Variants in POTED observed in about 807,000 individuals in gnomAD.
The protein encoded by POTED is ANKRD26-like family B member 3.
Under a neutral mutation model 19.0 loss-of-function variants are expected in POTED, and 7 were observed. The ratio of observed to expected loss-of-function variants is 0.37; its 90% CI spans 0.21 to 0.69. The LOEUF (loss-of-function observed/expected upper bound fraction) is 0.69. Among genes scored for constraint, POTED ranks in the 30% least tolerant of loss-of-function variants. The pLI is 0.56. For synonymous variants in POTED, 16 were observed against 92.0 expected, an observed-to-expected ratio of 0.17 and a Z score of 4.73; for missense variants, 54 against 278.5, an observed-to-expected ratio of 0.19 and a Z score of 5.74.
chr21:13,640,523 CGTGTGTGT>C lies in POTED; in HGVS notation c.1534-801_1534-794del, dbSNP rs563854848. On this transcript the variant is annotated intron_variant, in intron 10 of 10. Transcript: ENST00000299443. ...AAAAATCCTGCACGTTGCATATATACGTGTGTGTGTGTGTGTGTGTGTGTGTGTTTGTG... is the reference window on the plus strand; with the variant it reads ...AAAAATCCTGCACGTTGCATATATACGTGTGTGTGTGTGTGTGTGTTTGTG... 5.3e-5 allele frequency among the ~76,000 whole-genome samples: 4 copies of C among 75,408 alleles called. 2 individuals are homozygous for C. Among genetic ancestry groups the C allele is most frequent in the Non-Finnish European group, 9.4e-5 (4 of 42,592 alleles). 49.5% of individuals were successfully genotyped at this position (75,408 alleles called of 152,430 possible).
Position 13,645,601 on chromosome 21 carries a change from G to T in POTED, c.*4035G>T, listed in dbSNP as rs1160488903. ...GGAAGCACTAAATATGGAAAGAAAA[G>T]ACCACCACCAGCCACTACAGAAACA... On this transcript the variant is annotated 3_prime_UTR_variant, in exon 11 of 11. Coordinates refer to ENST00000299443, the MANE Select transcript of POTED (RefSeq NM_174981.6). 9.0e-6 allele frequency among the ~76,000 whole-genome samples: 1 copy of T among 110,724 alleles called. No homozygotes were observed. The highest frequency in any genetic ancestry group is 1.8e-5 in the Non-Finnish European group (1 of 54,598). The allele number at this position is 110,724 out of a possible 152,430, so 72.6% of individuals were successfully genotyped here.
intron 8 of POTED, 35 bp from the exon 9 acceptor site, chr21:13,630,906 T>C: frequency 3.6e-6 from 1 of 281,328 alleles, no homozygotes; most frequent in Non-Finnish European, 5.7e-6. Flanking sequence ...TTCAATAAAG[T>C]GATAACCATC....
chr21:13,637,004 A>ATATATATATATATATATATATTTTT (rs1481200854), intron 9 of POTED, among the ~76,000 whole-genome samples: 2 of 16,470 alleles, frequency 1.2e-4, no homozygotes, highest in Non-Finnish European at 1.9e-4. Flanking sequence ...ATATATATAT[A>ATATATATATATATATATATATTTTT]TTTTTTTTTT....
rs1316597081 is a variant in POTED at position 13,629,680 on chromosome 21, A to G, written c.1198-176A>G. On this transcript the variant is annotated intron_variant, in intron 7 of 10. Transcript: ENST00000299443. Reference sequence around the variant, plus strand: ...AACATAGATTAAAAAATTAATTCTTAATTTTAATTATTTATTTATTTAATT... The same window carrying G: ...AACATAGATTAAAAAATTAATTCTTGATTTTAATTATTTATTTATTTAATT... Among the ~76,000 whole-genome samples, 4 of 103,074 alleles carry G rather than the reference A, an allele frequency of 3.9e-5. 2 individuals are homozygous for G. Among genetic ancestry groups the G allele is most frequent in the African/African-American group, 1.6e-4 (4 of 24,258 alleles). The allele number at this position is 103,074 out of a possible 152,430, so 67.6% of individuals were successfully genotyped here.
In POTED at chr21:13,634,508, C is replaced by A. The variant is rs2011226953; in HGVS notation, c.1409+3401C>A. Among the ~76,000 whole-genome samples the A allele has an allele frequency of 2.4e-5, 2 of 81,720 alleles. 1 individual carries two copies. Among genetic ancestry groups the A allele is most frequent in the Non-Finnish European group, 4.3e-5 (2 of 46,250 alleles). The allele number at this position is 81,720 out of a possible 152,430, so 53.6% of individuals were successfully genotyped here. On this transcript the variant is annotated intron_variant, in intron 9 of 10. Transcript: ENST00000299443. The stretch of plus-strand genomic sequence containing the variant: ...TGCTCTGCTTCAGCCACACTGAATT[C>A]TTGCCATCCCTTATCTACCCCTAGT...
intron 9 of POTED, among the ~76,000 whole-genome samples, chr21:13,637,022 T>A (rs1388642198): frequency 3.1e-5 from 1 of 32,402 alleles, no homozygotes; most frequent in Non-Finnish European, 4.9e-5. Context: ...TTTTTTTTCT[T>A]TATTCCACTC....
chr21:13,633,659 G>A (rs1429233421), intron 9 of POTED, among the ~76,000 whole-genome samples: 1 of 76,758 alleles, frequency 1.3e-5, no homozygotes, highest in Admixed American at 1.1e-4. Flanking sequence ...CTGGAGTTCA[G>A]TGGTGTGATC....
At chr21:13,636,898 T>A (rs2011237832) in intron 9 of POTED, among the ~76,000 whole-genome samples, 1 of 60,028 alleles carries the variant, frequency 1.7e-5, no homozygotes, top group South Asian at 4.8e-4. Context: ...CCCCTTTACG[T>A]TCTGCCATGA....
At chr21:13,612,458 G>C (rs1258982088) in intron 1 of POTED, among the ~76,000 whole-genome samples, 1 of 79,952 alleles carries the variant, frequency 1.3e-5, no homozygotes, top group Non-Finnish European at 2.2e-5. Flanking sequence ...GATGGAGTGA[G>C]ACTCCATCTC....
rs1488374055 is a variant in POTED at position 13,636,808 on chromosome 21, C to T, written c.1410-2707C>T. On this transcript the variant is annotated intron_variant, in intron 9 of 10. Transcript: ENST00000299443. ...CTGTTCTCGTGATAGTGAGTTCTCA[C>T]AAGAGCAGATAATTCTATAATGGGC... 1.1e-4 allele frequency among the ~76,000 whole-genome samples: 7 copies of T among 63,478 alleles called. 1 individual carries two copies. The allele number at this position is 63,478 out of a possible 152,430, so 41.6% of individuals were successfully genotyped here. A position where few individuals can be genotyped will look rare whatever the true frequency, so the allele number is the denominator to read the frequency against.
chr21:13,619,502 T>C (rs2011166627), intron 4 of POTED, among the ~76,000 whole-genome samples: 1 of 63,008 alleles, frequency 1.6e-5, no homozygotes, highest in South Asian at 4.9e-4. Flanking sequence ...GAGCTAGGCT[T>C]TGGATTCACA....
chr21:13,627,464 AAG>A lies in POTED; in HGVS notation c.1127-916_1127-915del, dbSNP rs1491073394. 6.8e-3 allele frequency among the ~76,000 whole-genome samples: 680 copies of A among 99,990 alleles called. 156 individuals carry two copies. Among genetic ancestry groups the A allele is most frequent in the Non-Finnish European group, 8.8e-3 (462 of 52,294 alleles). 65.6% of individuals were successfully genotyped at this position (99,990 alleles called of 152,430 possible). A position where few individuals can be genotyped will look rare whatever the true frequency, so the allele number is the denominator to read the frequency against. On this transcript the variant is annotated intron_variant, in intron 6 of 10. Transcript: ENST00000299443. Reference sequence around the variant, plus strand: ...CTCAAACAAAAAAACAAAAAAAAAAAAGAAAAATGAATATAAATTTGTCATAA... The same window carrying A: ...CTCAAACAAAAAAACAAAAAAAAAAAAAAAATGAATATAAATTTGTCATAA...
Position 13,631,266 on chromosome 21 carries a change from G to GT in POTED, c.1409+165dup, listed in dbSNP as rs1018997559. Among the ~76,000 whole-genome samples the GT allele has an allele frequency of 7.9e-5, 9 of 114,140 alleles. 1 individual carries two copies. The highest frequency in any genetic ancestry group is 2.5e-4 in the Admixed American group (3 of 11,916). 74.9% of individuals were successfully genotyped at this position (114,140 alleles called of 152,430 possible). A position where few individuals can be genotyped will look rare whatever the true frequency, so the allele number is the denominator to read the frequency against. On this transcript the variant is annotated intron_variant, in intron 9 of 10. Coordinates refer to ENST00000299443, the MANE Select transcript of POTED (RefSeq NM_174981.6). Reference sequence around the variant, plus strand: ...GAAAATCAGTAAACAATGAGTTACCGTTTTTTCCAGTCATTAATTTATTTG... The same window carrying GT: ...GAAAATCAGTAAACAATGAGTTACCGTTTTTTTCCAGTCATTAATTTATTTG...
rs1172780521 is a variant in POTED at position 13,643,442 on chromosome 21, C to T, written c.*1876C>T. Among the ~76,000 whole-genome samples, 6 of 72,036 alleles carry T rather than the reference C, an allele frequency of 8.3e-5. 1 individual carries two copies. The highest frequency in any genetic ancestry group is 1.2e-4 in the Non-Finnish European group (5 of 41,918). 47.3% of individuals were successfully genotyped at this position (72,036 alleles called of 152,430 possible). ...ACAGATCAGGTCTAAGAGTTCTCTTCGTAAAAAAGGGGACTTGCTTAAAAA... is the reference window on the plus strand; with the variant it reads ...ACAGATCAGGTCTAAGAGTTCTCTTTGTAAAAAAGGGGACTTGCTTAAAAA... On this transcript the variant is annotated 3_prime_UTR_variant, in exon 11 of 11. Coordinates refer to ENST00000299443, the MANE Select transcript of POTED (RefSeq NM_174981.6).
intron 7 of POTED, among the ~76,000 whole-genome samples, chr21:13,629,542 C>T (rs1171653202): frequency 3.6e-4 from 12 of 33,358 alleles, no homozygotes; most frequent in Non-Finnish European, 5.9e-4. Flanking sequence ...TAAGTTTAGT[C>T]CAAACAAATG....
Position 13,631,458 on chromosome 21 carries a change from A to T in POTED, c.1409+351A>T, listed in dbSNP as rs1183527285. On this transcript the variant is annotated intron_variant, in intron 9 of 10. Transcript: ENST00000299443. ...TCATCAGCCACATAATAAGCAAAAT[A>T]CTCGAGAGGTAGTTTTTTGGTCATC... Among the ~76,000 whole-genome samples, 3 of 78,152 alleles carry T rather than the reference A, an allele frequency of 3.8e-5. 1 individual carries two copies. The highest frequency in any genetic ancestry group is 6.7e-5 in the Non-Finnish European group (3 of 44,854). The allele number at this position is 78,152 out of a possible 152,430, so 51.3% of individuals were successfully genotyped here.
intron 1 of POTED, among the ~76,000 whole-genome samples, chr21:13,612,145 A>G (rs2123205480): frequency 1.2e-5 from 1 of 80,750 alleles, no homozygotes; most frequent in South Asian, 3.5e-4. Flanking sequence ...AAGTTAGAAG[A>G]GGAATGAAAG....
rs1384224360 is a variant in POTED at position 13,636,785 on chromosome 21, G to T, written c.1410-2730G>T. 3.1e-5 allele frequency among the ~76,000 whole-genome samples: 2 copies of T among 65,034 alleles called. 1 individual carries two copies. The highest frequency in any genetic ancestry group is 2.8e-4 in the Admixed American group (2 of 7,096). 42.7% of individuals were successfully genotyped at this position (65,034 alleles called of 152,430 possible). On this transcript the variant is annotated intron_variant, in intron 9 of 10. Coordinates refer to ENST00000299443, the MANE Select transcript of POTED (RefSeq NM_174981.6). Reference sequence around the variant, plus strand: ...TCATGGGGTCGGTTTCCTCCATGCTGTTCTCGTGATAGTGAGTTCTCACAA... The same window carrying T: ...TCATGGGGTCGGTTTCCTCCATGCTTTTCTCGTGATAGTGAGTTCTCACAA...
At chr21:13,627,514 C>T (rs1810857) in intron 6 of POTED, among the ~76,000 whole-genome samples, 13,632 of 85,482 alleles carry the variant, frequency 0.16, 3,637 homozygotes, top group African/African-American at 0.32. Context: ...ACATTTTAGA[C>T]GTTAAGAAGA....
Sources: allele counts gnomAD v4.1 joint callset (sites outside exome capture counted in the v4.1 genomes callset), GRCh38; gene constraint gnomAD v4.1.1; transcripts MANE v1.5; gene names NCBI Gene and HGNC (gene_info 2026-07-23, HGNC 2026-07-21).